CNTN4: variants seen among roughly 807,000 people sequenced by gnomAD.
The protein encoded by CNTN4 is contactin-4.
In CNTN4, 77 loss-of-function variants were observed where a neutral mutation model predicts 122.5. The observed-to-expected ratio is 0.63, with a 90% CI of 0.52 to 0.76. The LOEUF is 0.76. CNTN4 is among the 30% of genes least tolerant of loss of function. The pLI is 0.00. For missense variants in CNTN4, 1,256 were observed against 1,259.1 expected (o/e 1.00, Z 0.04); for synonymous variants, 512 against 447.0 (o/e 1.15, Z -1.83).
At chr3:2,684,819 A>G (rs992214342) in intron 4 of CNTN4, among the ~76,000 whole-genome samples, 3 of 152,214 alleles carry the variant, frequency 2.0e-5, no homozygotes, top group Non-Finnish European at 4.4e-5. Context: ...ATCTGTATGA[A>G]CATCTCATTG....
intron 4 of CNTN4, among the ~76,000 whole-genome samples, chr3:2,576,014 T>G (rs1243095338): frequency 6.6e-6 from 1 of 151,910 alleles, no homozygotes; most frequent in Non-Finnish European, 1.5e-5. Context: ...TTTTTGTATT[T>G]TTAGTAGAGA....
intron 2 of CNTN4, among the ~76,000 whole-genome samples, chr3:2,312,593 A>G (rs928640026): frequency 3.9e-5 from 6 of 152,080 alleles, no homozygotes; most frequent in Non-Finnish European, 8.8e-5. Context: ...TCTATGTGAC[A>G]TCCATTGTGA....
At chr3:2,187,460 C>G (rs749967064) in intron 2 of CNTN4, among the ~76,000 whole-genome samples, 3 of 152,090 alleles carry the variant, frequency 2.0e-5, no homozygotes, top group Non-Finnish European at 4.4e-5. Flanking sequence ...AATTTCACCT[C>G]ATAGCTCTGC....
At chr3:3,048,990 G>A (rs1700973236) in intron 23 of CNTN4, among the ~76,000 whole-genome samples, 1 of 152,172 alleles carries the variant, frequency 6.6e-6, no homozygotes, top group South Asian at 2.1e-4. Context: ...TGCAGGGCCA[G>A]GCAGATAACA....
chr3:3,022,761 G>A (rs1201656883), intron 14 of CNTN4, among the ~76,000 whole-genome samples: 1 of 152,024 alleles, frequency 6.6e-6, no homozygotes, highest in Non-Finnish European at 1.5e-5. Flanking sequence ...TTAAGCACTT[G>A]GTAAATATAT....
At chr3:2,384,533 A>T (rs745529557) in intron 3 of CNTN4, among the ~76,000 whole-genome samples, 1 of 152,244 alleles carries the variant, frequency 6.6e-6, no homozygotes, top group Non-Finnish European at 1.5e-5. Flanking sequence ...TTCTAACACA[A>T]TAGATTGGGA....
chr3:3,048,960 G>A (rs1372715048), intron 23 of CNTN4, among the ~76,000 whole-genome samples: 1 of 152,166 alleles, frequency 6.6e-6, no homozygotes, highest in Non-Finnish European at 1.5e-5. Context: ...TCTGGTTTTA[G>A]TATCACAAAT....
intron 2 of CNTN4, among the ~76,000 whole-genome samples, chr3:2,334,132 T>TA (rs1235168829): frequency 6.6e-6 from 1 of 152,224 alleles, no homozygotes; most frequent in Non-Finnish European, 1.5e-5. Context: ...GAATACCTGC[T>TA]ATAGACTGGT....
At chr3:2,616,751 C>G (rs2081759608) in intron 4 of CNTN4, among the ~76,000 whole-genome samples, 1 of 152,134 alleles carries the variant, frequency 6.6e-6, no homozygotes, top group Admixed American at 6.6e-5. Context: ...TACTACAAAG[C>G]TACAGTAACG....
intron 3 of CNTN4, among the ~76,000 whole-genome samples, chr3:2,354,851 C>T (rs2044800938): frequency 6.6e-6 from 1 of 152,200 alleles, no homozygotes; most frequent in Non-Finnish European, 1.5e-5. Context: ...GAGAATCCCA[C>T]TTGACAAGCA....
intron 2 of CNTN4, among the ~76,000 whole-genome samples, chr3:2,123,003 C>T (rs377002790): frequency 7.2e-5 from 11 of 152,012 alleles, no homozygotes; most frequent in Middle Eastern, 3.2e-3. Context: ...CATGACTGGA[C>T]GAGCCATTCT....
At chr3:2,825,702 CA>C (rs2092972096) in intron 7 of CNTN4, among the ~76,000 whole-genome samples, 1 of 152,072 alleles carries the variant, frequency 6.6e-6, no homozygotes, top group South Asian at 2.1e-4. Context: ...AGCAAACAAA[CA>C]GACAAAACCC....
intron 4 of CNTN4, among the ~76,000 whole-genome samples, chr3:2,659,897 G>A (rs1027236511): frequency 1.3e-5 from 2 of 152,190 alleles, no homozygotes; most frequent in African/African-American, 4.8e-5. Context: ...CTCCTGTTCA[G>A]ATACATCGAA....
chr3:2,736,187 T>C lies in CNTN4; in HGVS notation c.56-28T>C, dbSNP rs767576704. 5.0e-6 allele frequency: 8 copies of C among 1,610,340 alleles called. No individual in the cohort carries two copies. In the South Asian group the frequency reaches 8.8e-5, roughly 18 times the overall value. ...GTTCCTATTTGGAAGGGATTCTTCATTTTGGACATTTTCTCTTCTCATTTC... is the reference window on the plus strand; with the variant it reads ...GTTCCTATTTGGAAGGGATTCTTCACTTTGGACATTTTCTCTTCTCATTTC... On this transcript the variant is annotated intron_variant, in intron 4 of 24. Transcript: ENST00000418658.
At position 2,841,940 on chromosome 3, in the gene CNTN4, A is replaced by G. The variant is rs1248014175; in HGVS notation, c.454+22359A>G. ...GATTAATTAGGTCACATTGAAATAT[A>G]TGATTTTAAAACAGATTGAAACCAG... On this transcript the variant is annotated intron_variant, in intron 7 of 24. Transcript: ENST00000418658. The surrounding 1 kb of genome is among the most constrained non-coding windows in gnomAD (Gnocchi z 4.8). 6.6e-6 allele frequency among the ~76,000 whole-genome samples: 1 copy of G among 152,086 alleles called. No homozygotes were observed. Among genetic ancestry groups the G allele is most frequent in the Non-Finnish European group, 1.5e-5 (1 of 68,038 alleles).
At chr3:2,245,830 C>G (rs753764928) in intron 2 of CNTN4, among the ~76,000 whole-genome samples, 1 of 152,028 alleles carries the variant, frequency 6.6e-6, no homozygotes, top group Non-Finnish European at 1.5e-5. Context: ...CATGAACTGT[C>G]TAGCTCTGCT....
intron 4 of CNTN4, among the ~76,000 whole-genome samples, chr3:2,696,851 T>TTA (rs61668072): frequency 0.23 from 35,672 of 152,050 alleles, 4,389 homozygotes; most frequent in South Asian, 0.43. Flanking sequence ...GTCTCATGAA[T>TTA]TATTTGTATT....
chr3:2,508,243 G>A (rs1468794048), intron 3 of CNTN4, among the ~76,000 whole-genome samples: 1 of 152,138 alleles, frequency 6.6e-6, no homozygotes, highest in East Asian at 1.9e-4. Flanking sequence ...TATCATTCCA[G>A]TAGGTGCCCT....
intron 3 of CNTN4, among the ~76,000 whole-genome samples, chr3:2,431,710 T>C (rs1037318368): frequency 2.6e-5 from 4 of 152,156 alleles, no homozygotes; most frequent in South Asian, 2.1e-4. Context: ...ATAGAAACTA[T>C]AGGAAATTGT....
Sources: gnomAD v4.1 joint callset for allele counts (sites outside exome capture counted in the v4.1 genomes callset) on GRCh38, gnomAD v4.1.1 for gene constraint, Gnocchi (gnomAD v3.1) non-coding constraint, MANE v1.5 for transcripts, NCBI Gene and HGNC (gene_info 2026-07-23, HGNC 2026-07-21) for gene names.